The following TMX2 variants were observed in gnomAD, a reference collection of about 807,000 sequenced individuals.
TMX2 encodes thioredoxin-related transmembrane protein 2.
Under a neutral mutation model 33.4 loss-of-function variants are expected in TMX2, and 20 were observed. That is an observed-to-expected ratio of 0.60 (90% CI 0.42 to 0.87). The LOEUF (loss-of-function observed/expected upper bound fraction) is 0.87, where lower values mean the gene tolerates loss of function less well. TMX2 is among the 40% of genes least tolerant of loss of function. The probability of loss-of-function intolerance (pLI) is 0.00; values close to 1 mark genes in which losing one functional copy is unlikely to be tolerated. For synonymous variants in TMX2, 166 were observed against 140.7 expected, an observed-to-expected ratio of 1.18 and a Z score of -1.27; for missense variants, 340 against 370.7, an observed-to-expected ratio of 0.92 and a Z score of 0.68.
rs1338145029 is a variant in TMX2, at chr11:57,719,031, A to AT, written c.189+6225dup. Among the ~76,000 whole-genome samples, 178 of 81,962 alleles carry AT rather than the reference A, an allele frequency of 2.2e-3. 1 individual carries two copies. Among genetic ancestry groups the AT allele is most frequent in the African/African-American group, 3.7e-3 (86 of 23,346 alleles). The allele number at this position is 81,962 out of a possible 152,430, so 53.8% of individuals were successfully genotyped here. On this transcript the variant is annotated intron_variant, in intron 1 of 7. Coordinates refer to ENST00000278422, the MANE Select transcript of TMX2 (RefSeq NM_015959.4). The stretch of plus-strand genomic sequence containing the variant: ...GCTGATATTCAGGCCATATATATAT[A>AT]TATTTTTTTTTTTTTTTTTTTTTTG...
At chr11:57,731,952 A>G (rs991643193) in intron 1 of TMX2, among the ~76,000 whole-genome samples, 2 of 152,220 alleles carry the variant, frequency 1.3e-5, no homozygotes, top group Non-Finnish European at 2.9e-5. Context: ...GAAAAAGACT[A>G]TTTTGGGGAG....
chr11:57,713,502 A>G (rs1230930423), intron 1 of TMX2, among the ~76,000 whole-genome samples: 3 of 152,114 alleles, frequency 2.0e-5, no homozygotes, highest in Non-Finnish European at 4.4e-5. Flanking sequence ...CTTCCTTGGT[A>G]TGGGTGGAGG....
rs140599660 is a variant in TMX2 at position 57,736,539 on chromosome 11, A to G, written c.190-1069A>G. Among the ~76,000 whole-genome samples the G allele has an allele frequency of 3.4e-4, 52 of 152,092 alleles. No homozygotes were observed. In the East Asian group the frequency reaches 7.3e-3, roughly 21 times the overall value. On this transcript the variant is annotated intron_variant, in intron 1 of 7. Transcript: ENST00000278422. ...CTCTGAAAGCCCCTTTCAGCTCTCA[A>G]ATTATATCAAAAGTACATGGATTAT...
intron 2 of TMX2, 69 bp downstream of exon 2, chr11:57,737,737 TAA>T: frequency 6.4e-7 from 1 of 1,573,660 alleles, no homozygotes; most frequent in Non-Finnish European, 8.7e-7. Context: ...TGCTTCATGT[TAA>T]GAGAGTGGCA....
At chr11:57,716,992 G>A (rs1253497739) in intron 1 of TMX2, among the ~76,000 whole-genome samples, 8 of 151,062 alleles carry the variant, frequency 5.3e-5, no homozygotes, top group Admixed American at 3.3e-4. Context: ...CAGACGGGGC[G>A]GCTGGGCAGA....
At chr11:57,728,293 G>C (rs1948132932) in intron 1 of TMX2, among the ~76,000 whole-genome samples, 1 of 152,140 alleles carries the variant, frequency 6.6e-6, no homozygotes, top group Non-Finnish European at 1.5e-5. Context: ...CTCCCGAGTA[G>C]CTGGGACTAC....
chr11:57,732,471 C>T (rs1359399268), intron 1 of TMX2, among the ~76,000 whole-genome samples: 1 of 152,060 alleles, frequency 6.6e-6, no homozygotes, highest in East Asian at 1.9e-4. Flanking sequence ...GAAAATGGGA[C>T]CCCAAAATAT....
chr11:57,722,868 T>C (rs1357633547), intron 1 of TMX2, among the ~76,000 whole-genome samples: 1 of 152,222 alleles, frequency 6.6e-6, no homozygotes, highest in Non-Finnish European at 1.5e-5. Context: ...ATCCCAGCAC[T>C]TTGGGAGGCT....
chr11:57,740,088 C>G lies in TMX2; in HGVS notation c.745-11C>G, dbSNP rs2135669721. On this transcript the variant is annotated splice_polypyrimidine_tract_variant and intron_variant, in intron 7 of 7. Transcript: ENST00000278422. ...AACCCAGATCCTGACGTGTGCATCT[C>G]TTTTGTGCAGGAGAATGTGATCCGA... 1.2e-6 allele frequency: 2 copies of G among 1,613,876 alleles called. No homozygotes were observed. The highest frequency in any genetic ancestry group is 2.2e-5 in the East Asian group (1 of 44,866).
chr11:57,738,646 C>T lies in TMX2; in HGVS notation c.442-18C>T, dbSNP rs745307727. 1 of 1,609,822 alleles carries T rather than the reference C, an allele frequency of 6.2e-7. No homozygotes were observed. The highest frequency in any genetic ancestry group is 8.5e-7 in the Non-Finnish European group (1 of 1,176,408). On this transcript the variant is annotated intron_variant, in intron 4 of 7. Coordinates refer to ENST00000278422, the MANE Select transcript of TMX2 (RefSeq NM_015959.4). Reference sequence around the variant, plus strand: ...GGCTATGTGGATCCAGCTGACTTTTCTTCCCTGTATTTGGCAGGAGGAACT... The same window carrying T: ...GGCTATGTGGATCCAGCTGACTTTTTTTCCCTGTATTTGGCAGGAGGAACT...
intron 1 of TMX2, among the ~76,000 whole-genome samples, chr11:57,713,310 A>G (rs898896461): frequency 2.0e-5 from 3 of 152,166 alleles, no homozygotes; most frequent in African/African-American, 2.4e-5. Flanking sequence ...TACCTGCACA[A>G]CACTGTCAGC....
chr11:57,738,878 C>T, intron 5 of TMX2, 96 bp from the exon 6 acceptor site: 2 of 1,529,456 alleles, frequency 1.3e-6, no homozygotes, highest in Non-Finnish European at 9.1e-7. Flanking sequence ...ACATGGTAAC[C>T]AAAGGCATCT....
chr11:57,714,627 T>C (rs1218618693), intron 1 of TMX2, among the ~76,000 whole-genome samples: 1 of 152,172 alleles, frequency 6.6e-6, no homozygotes, highest in Non-Finnish European at 1.5e-5. Flanking sequence ...AAGGTCTTGC[T>C]CTGTCATCCA....
At chr11:57,715,586 C>CTTTTTTTTTTTTTTTTTTT (rs367827761) in intron 1 of TMX2, among the ~76,000 whole-genome samples, 16 of 130,096 alleles carry the variant, frequency 1.2e-4, no homozygotes, top group African/African-American at 2.9e-4. Flanking sequence ...AATTTGTTTT[C>CTTTTTTTTTTTTTTTTTTT]TTTTTTTTTT....
At chr11:57,715,384 A>G (rs1946906411) in intron 1 of TMX2, among the ~76,000 whole-genome samples, 1 of 151,998 alleles carries the variant, frequency 6.6e-6, no homozygotes, top group Non-Finnish European at 1.5e-5. Flanking sequence ...CTGGGCAACA[A>G]GAGCAAAGTT....
Position 57,739,258 on chromosome 11 carries a change from G to C in TMX2, c.742G>C (p.Glu248Gln). 1.2e-6 allele frequency: 2 copies of C among 1,614,108 alleles called. No homozygotes were observed. Among genetic ancestry groups the C allele is most frequent in the Non-Finnish European group, 1.7e-6 (2 of 1,180,032 alleles). The change falls in exon 7 of 8, where the codon GAG becomes CAG. Residue 248 changes from glutamate (E) to glutamine (Q), a missense_variant and splice_region_variant. By Grantham distance (29) the Glu-to-Gln change is conservative (BLOSUM62 2). Coordinates refer to ENST00000278422, the MANE Select transcript of TMX2 (RefSeq NM_015959.4). ...KGRAVSWTFS[E>Q]ENVIREFNLN... ...ACGGGCTGTCTCATGGACCTTCTCTGAGGTACCTGAAAGGAAGGGCAGGTG... is the reference window on the plus strand; with the variant it reads ...ACGGGCTGTCTCATGGACCTTCTCTCAGGTACCTGAAAGGAAGGGCAGGTG...
intron 3 of TMX2, 112 bp from the exon 4 acceptor site, chr11:57,738,242 T>A (rs1258156235): frequency 1.2e-6 from 1 of 838,918 alleles, no homozygotes; most frequent in East Asian, 2.4e-5. Context: ...GTGGTCTACA[T>A]ATATCCACAA....
intron 1 of TMX2, chr11:57,718,174 A>G (rs576922631): frequency 1.4e-5 from 18 of 1,254,042 alleles, no homozygotes; most frequent in Non-Finnish European, 1.9e-5. Context: ...CCATCCAACC[A>G]CTCACTCTTG....
At chr11:57,720,497 A>T (rs923162631) in intron 1 of TMX2, among the ~76,000 whole-genome samples, 4 of 152,164 alleles carry the variant, frequency 2.6e-5, no homozygotes, top group Admixed American at 2.6e-4. Context: ...CTGCCTCCAG[A>T]TTAAGCGATT....
Sources: gnomAD v4.1 joint callset for allele counts (sites outside exome capture counted in the v4.1 genomes callset) on GRCh38, gnomAD v4.1.1 for gene constraint, MANE v1.5 for transcripts, NCBI Gene and HGNC (gene_info 2026-07-23, HGNC 2026-07-21) for gene names.